Variants in MSRA observed in about 807,000 individuals in gnomAD.
The protein encoded by MSRA is methionine sulfoxide reductase A, also known as mitochondrial peptide methionine sulfoxide reductase.
Under a neutral mutation model 31.3 loss-of-function variants are expected in MSRA, and 54 were observed. The observed-to-expected ratio is 1.73, with a 90% CI of 1.39 to 2.17. The LOEUF (loss-of-function observed/expected upper bound fraction) is 2.17, where lower values mean the gene tolerates loss of function less well. MSRA is among the 30% of genes most tolerant of loss of function. The pLI, the probability that MSRA is intolerant of heterozygous loss-of-function variation, is 0.00. For missense variants in MSRA, 507 were observed against 300.9 expected, an observed-to-expected ratio of 1.69 and a Z score of -5.07; for synonymous variants, 169 against 116.5, an observed-to-expected ratio of 1.45 and a Z score of -2.90.
chr8:10,280,766 G>A (rs1476985145), intron 3 of MSRA, among the ~76,000 whole-genome samples: 1 of 152,162 alleles, frequency 6.6e-6, no homozygotes, highest in Non-Finnish European at 1.5e-5. Flanking sequence ...GCCATAAAGT[G>A]GAAACAACCC....
chr8:10,319,303 G>T (rs1292018724), intron 4 of MSRA, among the ~76,000 whole-genome samples: 1 of 152,152 alleles, frequency 6.6e-6, no homozygotes, highest in Non-Finnish European at 1.5e-5. Flanking sequence ...GTCACACTCA[G>T]ATAGAAACTG....
chr8:10,088,706 A>T (rs1798695527), intron 1 of MSRA, among the ~76,000 whole-genome samples: 1 of 152,144 alleles, frequency 6.6e-6, no homozygotes, highest in African/African-American at 2.4e-5. Flanking sequence ...ACTGTGCTCC[A>T]GCCTGGGCAC....
intron 3 of MSRA, among the ~76,000 whole-genome samples, chr8:10,264,957 C>G (rs1798670856): frequency 6.6e-6 from 1 of 152,080 alleles, no homozygotes; most frequent in Non-Finnish European, 1.5e-5. Context: ...TGTGCAGCCA[C>G]TGGAGCTGGG....
At chr8:10,192,436 T>G (rs1020928296) in intron 1 of MSRA, among the ~76,000 whole-genome samples, 1 of 152,196 alleles carries the variant, frequency 6.6e-6, no homozygotes, top group Admixed American at 6.5e-5. Context: ...TGCATGTTTG[T>G]GGGACACCCT....
chr8:10,179,920 T>C (rs1251584275), intron 1 of MSRA, among the ~76,000 whole-genome samples: 2 of 152,218 alleles, frequency 1.3e-5, no homozygotes, highest in Non-Finnish European at 1.5e-5. Flanking sequence ...GAAAACTGTT[T>C]CCTCTACACT....
At chr8:10,116,525 C>T (rs968429159) in intron 1 of MSRA, among the ~76,000 whole-genome samples, 1 of 152,312 alleles carries the variant, frequency 6.6e-6, no homozygotes, top group Non-Finnish European at 1.5e-5. Context: ...CTTGAGGCTT[C>T]TACAGATTGT....
At chr8:10,163,645 G>C (rs1804863979) in intron 1 of MSRA, among the ~76,000 whole-genome samples, 1 of 152,240 alleles carries the variant, frequency 6.6e-6, no homozygotes, top group Non-Finnish European at 1.5e-5. Context: ...ATGGCATTGG[G>C]TGGAAACAGA....
chr8:10,142,239 T>C (rs1802782925), intron 1 of MSRA, among the ~76,000 whole-genome samples: 1 of 152,052 alleles, frequency 6.6e-6, no homozygotes, highest in African/African-American at 2.4e-5. Flanking sequence ...ATTACAGGCA[T>C]GAGCCACCGT....
intron 5 of MSRA, among the ~76,000 whole-genome samples, chr8:10,409,691 A>G (rs556760809): frequency 7.5e-4 from 114 of 152,298 alleles, no homozygotes; most frequent in African/African-American, 2.6e-3. Context: ...CGCCCCACCA[A>G]CATGCACGTG....
chr8:10,373,591 G>A (rs1246614477), intron 5 of MSRA, among the ~76,000 whole-genome samples: 1 of 152,238 alleles, frequency 6.6e-6, no homozygotes, highest in African/African-American at 2.4e-5. Context: ...GGCCCCATGG[G>A]GGAAGCAGGG....
intron 4 of MSRA, among the ~76,000 whole-genome samples, chr8:10,309,965 A>AGTAGGAT (rs1801347908): frequency 6.6e-6 from 1 of 152,184 alleles, no homozygotes; most frequent in Non-Finnish European, 1.5e-5. Context: ...GGAAACATTC[A>AGTAGGAT]TTGAAGGGAG....
intron 1 of MSRA, among the ~76,000 whole-genome samples, chr8:10,181,819 T>A (rs566186855): frequency 2.0e-5 from 3 of 152,330 alleles, no homozygotes; most frequent in South Asian, 4.1e-4. Flanking sequence ...ACAGTGTTAG[T>A]GCTCTGGAGA....
intron 5 of MSRA, among the ~76,000 whole-genome samples, chr8:10,410,149 C>G (rs1486700383): frequency 6.6e-6 from 1 of 152,340 alleles, no homozygotes; most frequent in Non-Finnish European, 1.5e-5. Context: ...TAGTGGTCTT[C>G]CCATGGTCCC....
At chr8:10,063,034 AG>A (rs1246826397) in intron 1 of MSRA, among the ~76,000 whole-genome samples, 1 of 152,188 alleles carries the variant, frequency 6.6e-6, no homozygotes, top group Non-Finnish European at 1.5e-5. Flanking sequence ...ACCTTGTGAA[AG>A]TTCTGCCCTT....
At position 10,375,050 on chromosome 8, in the gene MSRA, G is replaced by A. The variant is rs546054439; in HGVS notation, c.544-53098G>A. Among the ~76,000 whole-genome samples the A allele has an allele frequency of 3.3e-5, 5 of 152,266 alleles. No homozygotes were observed. The South Asian group carries it at 6.2e-4, about 19-fold the overall frequency. ...CATCACCAGAAGCCAAACAGATGCT[G>A]GTGCTATGCTTGTGCAGCCTGCAGA... On this transcript the variant is annotated intron_variant, in intron 5 of 5. Coordinates refer to ENST00000317173, the MANE Select transcript of MSRA (RefSeq NM_012331.5).
At chr8:10,361,968 G>A (rs1432524219) in intron 5 of MSRA, among the ~76,000 whole-genome samples, 4 of 151,830 alleles carry the variant, frequency 2.6e-5, no homozygotes, top group Admixed American at 6.6e-5. Context: ...CATGATCTGC[G>A]AGGCTTCCTT....
intron 1 of MSRA, among the ~76,000 whole-genome samples, chr8:10,158,919 C>G (rs552454344): frequency 2.0e-5 from 3 of 152,310 alleles, no homozygotes; most frequent in Admixed American, 6.5e-5. Flanking sequence ...TATAGCCACT[C>G]TACTGCGTGT....
intron 1 of MSRA, among the ~76,000 whole-genome samples, chr8:10,136,627 C>T (rs942123979): frequency 2.6e-5 from 4 of 152,178 alleles, no homozygotes; most frequent in South Asian, 4.1e-4. Context: ...ACAGTGGGAA[C>T]GAGAGCCTTT....
At chr8:10,303,381 C>T (rs138017571) in intron 4 of MSRA, among the ~76,000 whole-genome samples, 10 of 152,252 alleles carry the variant, frequency 6.6e-5, no homozygotes, top group African/African-American at 2.4e-4. Context: ...GGGGGGAATA[C>T]TACTATGATG....
Sources: allele counts gnomAD v4.1 joint callset (sites outside exome capture counted in the v4.1 genomes callset), GRCh38; gene constraint gnomAD v4.1.1; transcripts MANE v1.5; gene names NCBI Gene and HGNC (gene_info 2026-07-23, HGNC 2026-07-21).